DYM: variants seen among roughly 807,000 people sequenced by gnomAD.
DYM encodes dyggve-Melchior-Clausen syndrome protein.
Under a neutral mutation model 93.1 loss-of-function variants are expected in DYM, and 78 were observed. That is an observed-to-expected ratio of 0.84 (90% CI 0.70 to 1.01). DYM has a LOEUF of 1.01. Among genes scored for constraint, DYM ranks in the 50% least tolerant of loss-of-function variants. The pLI is 0.00. For synonymous variants in DYM, 321 were observed against 319.7 expected (o/e 1.00, Z -0.04); for missense variants, 789 against 845.0 (o/e 0.93, Z 0.82).
intron 8 of DYM, among the ~76,000 whole-genome samples, chr18:49,290,447 G>C (rs891195846): frequency 7.9e-5 from 12 of 151,686 alleles, no homozygotes; most frequent in African/African-American, 2.9e-4. Flanking sequence ...GGATTGCATG[G>C]AATTCAAGGA....
intron 8 of DYM, among the ~76,000 whole-genome samples, chr18:49,327,864 C>T (rs1023020288): frequency 4.6e-5 from 7 of 152,190 alleles, no homozygotes; most frequent in African/African-American, 1.7e-4. Context: ...GTATTCACTA[C>T]AGTCCACAGA....
chr18:49,126,614 C>T (rs1292955679), intron 15 of DYM: 1 of 151,936 alleles, frequency 6.6e-6, no homozygotes, highest in Non-Finnish European at 1.5e-5. Context: ...TATCTAATCT[C>T]ATGATTTGGG....
At chr18:49,237,903 CTTT>C (rs112395450) in intron 13 of DYM, among the ~76,000 whole-genome samples, 12 of 144,912 alleles carry the variant, frequency 8.3e-5, no homozygotes, top group Non-Finnish European at 1.7e-4. Context: ...GTACCTTACT[CTTT>C]TTTTTTTTTT....
intron 1 of DYM, among the ~76,000 whole-genome samples, chr18:49,437,756 AT>A (rs1035188424): frequency 9.9e-5 from 15 of 152,052 alleles, no homozygotes; most frequent in Non-Finnish European, 1.8e-4. Flanking sequence ...GCCAACTTAG[AT>A]TTTTTTTAAA....
chr18:49,360,925 T>C (rs1413870166), intron 6 of DYM, among the ~76,000 whole-genome samples: 1 of 152,234 alleles, frequency 6.6e-6, no homozygotes, highest in East Asian at 1.9e-4. Flanking sequence ...TAACATAGTT[T>C]CAAGACAGCC....
intron 11 of DYM, among the ~76,000 whole-genome samples, 168 bp downstream of exon 11, chr18:49,272,006 GAAAA>G (rs33965129): frequency 7.4e-6 from 1 of 134,588 alleles, no homozygotes; most frequent in African/African-American, 2.8e-5. Flanking sequence ...AGTCATTCTG[GAAAA>G]AAAAAAAAAA....
chr18:49,273,955 G>A (rs1009454718), intron 10 of DYM, among the ~76,000 whole-genome samples: 21 of 151,652 alleles, frequency 1.4e-4, no homozygotes, highest in Non-Finnish European at 4.4e-5. Flanking sequence ...AGTAAGTAAC[G>A]GGTCCAATGA....
chr18:49,411,056 C>T (rs181126659), intron 2 of DYM, among the ~76,000 whole-genome samples: 4 of 152,156 alleles, frequency 2.6e-5, no homozygotes, highest in Non-Finnish European at 5.9e-5. Flanking sequence ...AGAAGTTGAC[C>T]GAGGAAATGG....
Position 49,079,862 on chromosome 18 carries a change from C to A in DYM, c.2025+17540G>T, listed in dbSNP as rs572976324. On this transcript the variant is annotated intron_variant, in intron 17 of 17. Transcript: ENST00000675505. ...TCAATCTTTTCCCCACCTTCCCCCC[C>A]TTTCTATTCCACAAAACCGCCATTG... Among the ~76,000 whole-genome samples, 15 of 151,566 alleles carry A rather than the reference C, an allele frequency of 9.9e-5. 1 individual carries two copies. In the South Asian group the frequency reaches 3.1e-3, roughly 32 times the overall value.
chr18:49,134,392 TTAAAA>T (rs2083646516), intron 15 of DYM, among the ~76,000 whole-genome samples: 1 of 152,142 alleles, frequency 6.6e-6, no homozygotes, highest in South Asian at 2.1e-4. Context: ...AATTAGCAAA[TTAAAA>T]TAGAAAAGCA....
chr18:49,363,216 G>C lies in DYM; in HGVS notation c.439C>G (p.Leu147Val), dbSNP rs774633523. 9 of 1,613,656 alleles carry C rather than the reference G, an allele frequency of 5.6e-6. No individual in the cohort carries two copies. The highest frequency in any genetic ancestry group is 7.6e-6 in the Non-Finnish European group (9 of 1,179,816). ...AAACAGCACAGCAATTCTTCCAAAAGATCTTCTGAGTCAGAACCTGGTAAG... is the reference window on the plus strand; with the variant it reads ...AAACAGCACAGCAATTCTTCCAAAACATCTTCTGAGTCAGAACCTGGTAAG... ...PGNYSSDSED[L>V]LEELLCCLMQ... Residue 147 changes from leucine (L) to valine (V), a missense_variant, in exon 6 of 18, where the codon CTT (leucine) becomes GTT (valine). Around this residue, in one of 3 missense-constraint regions of DYM, gnomAD observed 450 missense variants for 436.2 expected, o/e 1.03. Coordinates refer to ENST00000675505, the MANE Select transcript of DYM (RefSeq NM_001353214.3).
At chr18:49,072,161 C>G (rs2076943166) in intron 17 of DYM, among the ~76,000 whole-genome samples, 1 of 152,320 alleles carries the variant, frequency 6.6e-6, no homozygotes, top group East Asian at 1.9e-4. Context: ...ATAATTTAAC[C>G]TTCACTTATC....
At chr18:49,328,833 T>G (rs1438469862) in intron 8 of DYM, among the ~76,000 whole-genome samples, 1 of 152,170 alleles carries the variant, frequency 6.6e-6, no homozygotes, top group African/African-American at 2.4e-5. Flanking sequence ...ACACTGTTGG[T>G]GGGACTGTAA....
At chr18:49,066,705 A>AT (rs1403984772) in intron 17 of DYM, among the ~76,000 whole-genome samples, 1 of 152,040 alleles carries the variant, frequency 6.6e-6, no homozygotes, top group Admixed American at 6.6e-5. Flanking sequence ...TATCTGTACA[A>AT]TTTGGATTCT....
chr18:49,413,477 CTATTT>C lies in DYM; in HGVS notation c.140+16773_140+16777del, dbSNP rs532987455. 5.5e-3 allele frequency among the ~76,000 whole-genome samples: 843 copies of C among 152,232 alleles called. 4 individuals carry two copies. Among genetic ancestry groups the C allele is most frequent in the Non-Finnish European group, 9.0e-3 (614 of 68,018 alleles). ...ATTATCATTATATCATTTTATCATTCTATTTTATCATTTATCTCAGTAGAATTAAA... is the reference window on the plus strand; with the variant it reads ...ATTATCATTATATCATTTTATCATTCTATCATTTATCTCAGTAGAATTAAA... On this transcript the variant is annotated intron_variant, in intron 2 of 17. Coordinates refer to ENST00000675505, the MANE Select transcript of DYM (RefSeq NM_001353214.3).
intron 17 of DYM, among the ~76,000 whole-genome samples, chr18:49,066,064 C>T (rs535823036): frequency 1.3e-5 from 2 of 151,870 alleles, no homozygotes; most frequent in South Asian, 4.2e-4. Flanking sequence ...ATATGCATAC[C>T]GAAAAGTTCC....
intron 13 of DYM, among the ~76,000 whole-genome samples, chr18:49,215,564 T>C (rs954841012): frequency 6.6e-6 from 1 of 152,144 alleles, no homozygotes; most frequent in Admixed American, 6.5e-5. Flanking sequence ...TCCTAAAATA[T>C]GGCAAAAAGA....
chr18:49,069,638 C>A (rs1257312550), intron 17 of DYM, among the ~76,000 whole-genome samples: 1 of 152,198 alleles, frequency 6.6e-6, no homozygotes, highest in Admixed American at 6.5e-5. Flanking sequence ...CTAATCAGAA[C>A]AAGTGGCCCT....
At chr18:49,457,550 C>T (rs942182004) in intron 1 of DYM, among the ~76,000 whole-genome samples, 1 of 152,148 alleles carries the variant, frequency 6.6e-6, no homozygotes, top group African/African-American at 2.4e-5. Flanking sequence ...CTAACCATTC[C>T]CATTATCTAC....
Sources: gnomAD v4.1 joint callset for allele counts (sites outside exome capture counted in the v4.1 genomes callset) on GRCh38, gnomAD v4.1.1 for gene constraint, gnomAD v4.1.1 regional missense constraint, MANE v1.5 for transcripts, NCBI Gene and HGNC (gene_info 2026-07-23, HGNC 2026-07-21) for gene names.